The following CNTN5 variants were observed in gnomAD, a reference collection of about 807,000 sequenced individuals.
The protein encoded by CNTN5 is contactin 5.
In CNTN5, 77 loss-of-function variants were observed where a neutral mutation model predicts 129.1. That is an observed-to-expected ratio of 0.60 (90% CI 0.50 to 0.72). CNTN5 has a LOEUF of 0.72. CNTN5 is among the 30% of genes least tolerant of loss of function. CNTN5 has a pLI of 0.00. For synonymous variants in CNTN5, 509 were observed against 465.6 expected (o/e 1.09, Z -1.20); for missense variants, 1,478 against 1,328.8 (o/e 1.11, Z -1.75).
intron 1 of CNTN5, among the ~76,000 whole-genome samples, chr11:99,241,437 T>A (rs1357371530): frequency 6.7e-6 from 1 of 150,354 alleles, no homozygotes; most frequent in African/African-American, 2.4e-5. Context: ...TGAAAATATA[T>A]TCTTTCTTAG....
At chr11:99,759,885 A>G (rs1944523016) in intron 3 of CNTN5, among the ~76,000 whole-genome samples, 1 of 152,140 alleles carries the variant, frequency 6.6e-6, no homozygotes, top group Admixed American at 6.6e-5. Context: ...TATTTAGGGT[A>G]AGCAAGGCAA....
At chr11:99,173,153 C>T (rs1005263734) in intron 1 of CNTN5, among the ~76,000 whole-genome samples, 2 of 152,196 alleles carry the variant, frequency 1.3e-5, no homozygotes, top group African/African-American at 2.4e-5. Flanking sequence ...CACCTGGGTT[C>T]CTCCCACAAT....
chr11:99,715,388 G>A (rs549022057), intron 3 of CNTN5, among the ~76,000 whole-genome samples: 1 of 151,764 alleles, frequency 6.6e-6, no homozygotes, highest in East Asian at 2.0e-4. Flanking sequence ...GAGCCTTCCA[G>A]TACTCTGAAG....
chr11:99,616,444 A>T (rs1016497090), intron 3 of CNTN5, among the ~76,000 whole-genome samples: 26 of 152,178 alleles, frequency 1.7e-4, no homozygotes, highest in African/African-American at 6.3e-4. Flanking sequence ...GTTATGATAA[A>T]ATAATTCTGA....
rs984563517 is a variant in CNTN5, at chr11:99,146,533, A to G, written c.-210+125263A>G. Among the ~76,000 whole-genome samples the G allele has an allele frequency of 3.3e-5, 5 of 152,190 alleles. No individual in the cohort carries two copies. In the South Asian group the frequency reaches 6.2e-4, roughly 19 times the overall value. Reference sequence around the variant, plus strand: ...GGAGAAAATAAAGGCTATAATCACAATAATATTTTATAGCAATTCAGAAGT... The same window carrying G: ...GGAGAAAATAAAGGCTATAATCACAGTAATATTTTATAGCAATTCAGAAGT... On this transcript the variant is annotated intron_variant, in intron 1 of 24. Coordinates refer to ENST00000524871, the MANE Select transcript of CNTN5 (RefSeq NM_014361.4).
chr11:99,028,387 C>G (rs1863203018), intron 1 of CNTN5, among the ~76,000 whole-genome samples: 1 of 151,724 alleles, frequency 6.6e-6, no homozygotes, highest in African/African-American at 2.4e-5. Context: ...GAAATACACC[C>G]ATAGGGTGAA....
At chr11:100,211,768 A>G (rs760982339) in intron 15 of CNTN5, among the ~76,000 whole-genome samples, 16 of 152,188 alleles carry the variant, frequency 1.1e-4, no homozygotes, top group Non-Finnish European at 2.2e-4. Flanking sequence ...ACCACAATGA[A>G]GGTACATTTA....
intron 2 of CNTN5, among the ~76,000 whole-genome samples, chr11:99,340,269 A>G (rs542105034): frequency 2.2e-4 from 34 of 152,292 alleles, no homozygotes; most frequent in African/African-American, 8.2e-4. Flanking sequence ...GCAAAGATGT[A>G]AAATAGTTAG....
intron 13 of CNTN5, among the ~76,000 whole-genome samples, chr11:100,148,762 T>G (rs1946943840): frequency 6.6e-6 from 1 of 152,158 alleles, no homozygotes. Context: ...TGGGCACTCT[T>G]GTAACATATA....
intron 2 of CNTN5, among the ~76,000 whole-genome samples, chr11:99,546,634 TATC>T (rs537094330): frequency 3.2e-4 from 49 of 152,326 alleles, no homozygotes; most frequent in Middle Eastern, 3.4e-3. Context: ...TATTGGAAGT[TATC>T]AGAGAACTTT....
rs903027207 is a variant in CNTN5 at position 100,061,449 on chromosome 11, G to T, written c.1162+56G>T. On this transcript the variant is annotated intron_variant, in intron 10 of 24. Coordinates refer to ENST00000524871, the MANE Select transcript of CNTN5 (RefSeq NM_014361.4). The stretch of plus-strand genomic sequence containing the variant: ...TAGTCCCAAAAGTCAAACTGAAAGT[G>T]GAAATTAACTTTAACTAAATATTGT... 11 of 1,269,632 alleles carry T rather than the reference G, an allele frequency of 8.7e-6. No homozygotes were observed. In the African/African-American group the frequency reaches 1.3e-4, roughly 15 times the overall value. 78.6% of individuals were successfully genotyped at this position (1,269,632 alleles called of 1,614,324 possible).
At chr11:99,103,518 A>G (rs1442463796) in intron 1 of CNTN5, among the ~76,000 whole-genome samples, 1 of 151,960 alleles carries the variant, frequency 6.6e-6, no homozygotes, top group Non-Finnish European at 1.5e-5. Context: ...TTTTATTTCA[A>G]TTTAGAATGA....
At chr11:100,326,422 T>C (rs968867526) in intron 21 of CNTN5, among the ~76,000 whole-genome samples, 1 of 152,206 alleles carries the variant, frequency 6.6e-6, no homozygotes, top group Non-Finnish European at 1.5e-5. Flanking sequence ...AACAGCCCCA[T>C]CTTTGTCACT....
intron 9 of CNTN5, among the ~76,000 whole-genome samples, chr11:100,044,136 A>C (rs978007516): frequency 7.1e-6 from 1 of 141,576 alleles, no homozygotes; most frequent in Non-Finnish European, 1.5e-5. Context: ...TTACATGTAC[A>C]TGTGTATGTA....
At chr11:99,275,748 G>A (rs1220497884) in intron 1 of CNTN5, among the ~76,000 whole-genome samples, 3 of 151,586 alleles carry the variant, frequency 2.0e-5, no homozygotes, top group Non-Finnish European at 4.4e-5. Flanking sequence ...AATGTGGTTG[G>A]ATTTATGGCA....
At chr11:100,010,282 T>A (rs1018290771) in intron 9 of CNTN5, among the ~76,000 whole-genome samples, 1 of 151,840 alleles carries the variant, frequency 6.6e-6, no homozygotes, top group Non-Finnish European at 1.5e-5. Flanking sequence ...TTATGGAAAG[T>A]CAGTAACTAC....
At chr11:100,276,410 A>G (rs2138801136) in intron 18 of CNTN5, among the ~76,000 whole-genome samples, 1 of 151,822 alleles carries the variant, frequency 6.6e-6, no homozygotes, top group East Asian at 2.0e-4. Context: ...ATGGTGGCAC[A>G]CACCTGTAAT....
intron 3 of CNTN5, among the ~76,000 whole-genome samples, chr11:99,611,273 G>A (rs1464388677): frequency 6.6e-6 from 1 of 152,112 alleles, no homozygotes; most frequent in African/African-American, 2.4e-5. Context: ...ACAGCATAGT[G>A]CATTTCAATA....
intron 3 of CNTN5, among the ~76,000 whole-genome samples, chr11:99,761,535 G>A (rs1386167821): frequency 2.6e-5 from 4 of 151,338 alleles, no homozygotes; most frequent in Non-Finnish European, 4.4e-5. Flanking sequence ...TTGTTCTTGC[G>A]ATAGTTTACT....
Sources: allele counts gnomAD v4.1 joint callset (sites outside exome capture counted in the v4.1 genomes callset), GRCh38; gene constraint gnomAD v4.1.1; transcripts MANE v1.5; gene names NCBI Gene and HGNC (gene_info 2026-07-23, HGNC 2026-07-21).